PLEKHD1: variants seen among roughly 807,000 people sequenced by gnomAD.
PLEKHD1 encodes the protein pleckstrin homology and coiled-coil domain containing D1, also known as pleckstrin homology domain-containing family D member 1.
Under a neutral mutation model 69.2 loss-of-function variants are expected in PLEKHD1, and 51 were observed. The ratio of observed to expected loss-of-function variants is 0.74; its 90% CI spans 0.59 to 0.93. The LOEUF is 0.93. Among genes scored for constraint, PLEKHD1 ranks in the 40% least tolerant of loss-of-function variants. The pLI, the probability that PLEKHD1 is intolerant of heterozygous loss-of-function variation, is 0.00. For synonymous variants in PLEKHD1, 236 were observed against 244.7 expected (o/e 0.96, Z 0.33); for missense variants, 584 against 641.0 (o/e 0.91, Z 0.96).
At chr14:69,527,143 T>G in intron 10 of PLEKHD1, 45 bp from the exon 11 acceptor site, 2 of 1,490,550 alleles carry the variant, frequency 1.3e-6, no homozygotes, top group Non-Finnish European at 1.8e-6. Flanking sequence ...TGGCAGCTAC[T>G]TCCAGGACCT....
chr14:69,506,891 C>CTTTTTTTTTTTTTTTTTTTTTTT (rs1162412450), intron 6 of PLEKHD1, among the ~76,000 whole-genome samples: 2 of 78,062 alleles, frequency 2.6e-5, no homozygotes, highest in Non-Finnish European at 4.6e-5. Context: ...CTGGCAACTG[C>CTTTTTTTTTTTTTTTTTTTTTTT]TTTTTTTTTT....
upstream of PLEKHD1, among the ~76,000 whole-genome samples, chr14:69,480,916 A>G (rs1470465485): frequency 6.6e-6 from 1 of 152,146 alleles, no homozygotes; most frequent in Non-Finnish European, 1.5e-5. Context: ...GCCTCCCAAA[A>G]TGTTGGAATT....
chr14:69,478,468 A>G, the PLEKHD1 span, among the ~76,000 whole-genome samples: 2 of 152,152 alleles, frequency 1.3e-5, no homozygotes, highest in East Asian at 1.9e-4. Flanking sequence ...TCAGGCTGCA[A>G]ATTTTCTGAA....
intron 1 of PLEKHD1, among the ~76,000 whole-genome samples, chr14:69,489,853 T>C (rs1448216557): frequency 7.2e-6 from 1 of 139,632 alleles, no homozygotes. Flanking sequence ...CTGTTATATA[T>C]ATTTTTTGTT....
At chr14:69,487,182 AACACAC>A (rs199671230) in intron 1 of PLEKHD1, among the ~76,000 whole-genome samples, 6,019 of 140,416 alleles carry the variant, frequency 0.043, 149 homozygotes, top group East Asian at 0.074. Context: ...GGGAATACAC[AACACAC>A]ACACACACAC....
chr14:69,514,506 C>CGGG (rs1212078447), intron 6 of PLEKHD1, among the ~76,000 whole-genome samples: 3 of 152,208 alleles, frequency 2.0e-5, no homozygotes, highest in Middle Eastern at 6.8e-3. Context: ...GCTCTTAATA[C>CGGG]ATTAATCTTA....
At chr14:69,477,605 G>A in the PLEKHD1 span, among the ~76,000 whole-genome samples, 2 of 152,156 alleles carry the variant, frequency 1.3e-5, no homozygotes, top group African/African-American at 4.8e-5. Context: ...ACAAGCATTG[G>A]GTAAATACAG....
upstream of PLEKHD1, among the ~76,000 whole-genome samples, chr14:69,483,709 C>CCCT (rs1882588940): frequency 6.6e-6 from 1 of 152,284 alleles, no homozygotes; most frequent in South Asian, 2.1e-4. Flanking sequence ...AATCCGACTT[C>CCCT]CAGAGGCGTC....
chr14:69,496,562 G>A (rs531286782), intron 1 of PLEKHD1, among the ~76,000 whole-genome samples: 2 of 152,100 alleles, frequency 1.3e-5, no homozygotes, highest in Admixed American at 6.5e-5. Flanking sequence ...GTCTTGATCT[G>A]TCACCCAGGC....
At chr14:69,482,895 AAAAAAAAAAAAGAAAGAAAG>A (rs1313796372), upstream of PLEKHD1, among the ~76,000 whole-genome samples, 3 of 97,148 alleles carry the variant, frequency 3.1e-5, no homozygotes, top group East Asian at 2.6e-4. Flanking sequence ...CATCTCTCTA[AAAAAAAAAAAAGAAAGAAAG>A]AAAAAAAGAA....
intron 6 of PLEKHD1, chr14:69,503,174 C>G: frequency 2.3e-6 from 1 of 428,802 alleles, no homozygotes. Flanking sequence ...TAATGAGCTG[C>G]TTGTCAATGA....
At chr14:69,474,887 G>A in the PLEKHD1 span, among the ~76,000 whole-genome samples, 1 of 152,126 alleles carries the variant, frequency 6.6e-6, no homozygotes, top group African/African-American at 2.4e-5. Context: ...TGGAGATCTC[G>A]TTCTGTCATC....
upstream of PLEKHD1, among the ~76,000 whole-genome samples, chr14:69,480,117 G>A (rs1182237083): frequency 1.3e-5 from 2 of 152,222 alleles, no homozygotes; most frequent in African/African-American, 2.4e-5. Flanking sequence ...TAGAATGGGC[G>A]ATGGACAAAG....
upstream of PLEKHD1, among the ~76,000 whole-genome samples, chr14:69,480,598 G>A (rs984505921): frequency 1.3e-5 from 2 of 152,130 alleles, no homozygotes; most frequent in African/African-American, 4.8e-5. Context: ...ATTAGGCAAT[G>A]TTTCCTGCCC....
chr14:69,522,226 T>G, intron 6 of PLEKHD1, 57 bp from the exon 7 acceptor site: 1 of 1,491,096 alleles, frequency 6.7e-7, no homozygotes, highest in Non-Finnish European at 9.1e-7. Flanking sequence ...TGGGGGATCC[T>G]GATCTCAGGG....
upstream of PLEKHD1, among the ~76,000 whole-genome samples, chr14:69,484,336 C>CA (rs1386378731): frequency 2.6e-5 from 4 of 152,230 alleles, no homozygotes; most frequent in East Asian, 7.7e-4. Context: ...ACCCTACGCC[C>CA]TAGCTCCGTC....
chr14:69,484,487 G>A (rs975034082), upstream of PLEKHD1, among the ~76,000 whole-genome samples: 3 of 152,090 alleles, frequency 2.0e-5, no homozygotes, highest in Non-Finnish European at 4.4e-5. Flanking sequence ...GGGCGGGGAC[G>A]GGGACGCGCT....
intron 7 of PLEKHD1, among the ~76,000 whole-genome samples, 167 bp downstream of exon 7, chr14:69,522,544 G>A (rs1412546503): frequency 6.6e-6 from 1 of 152,100 alleles, no homozygotes; most frequent in Admixed American, 6.5e-5. Flanking sequence ...CCAGGTTTGA[G>A]TGTTCCCAGA....
At chr14:69,492,707 C>T (rs1276729427) in intron 1 of PLEKHD1, among the ~76,000 whole-genome samples, 1 of 152,190 alleles carries the variant, frequency 6.6e-6, no homozygotes, top group Admixed American at 6.5e-5. Flanking sequence ...AATGCTGTTA[C>T]TAGAACAGTG....
Sources: allele counts gnomAD v4.1 joint callset (sites outside exome capture counted in the v4.1 genomes callset), GRCh38; gene constraint gnomAD v4.1.1; transcripts MANE v1.5; gene names NCBI Gene and HGNC (gene_info 2026-07-23, HGNC 2026-07-21).